Variants in UGGT2 observed in about 807,000 individuals in gnomAD.
UGGT2 encodes the protein UDP-glucose glycoprotein glucosyltransferase 2, also known as UDP-glucose:glycoprotein glucosyltransferase 2.
A neutral mutation model predicts 192.1 loss-of-function variants in UGGT2; 180 were observed. That is an observed-to-expected ratio of 0.94 (90% CI 0.83 to 1.06). UGGT2 has a LOEUF of 1.06. Ranked by LOEUF, UGGT2 falls within the 50% of genes least tolerant of loss-of-function variation. UGGT2 has a pLI of 0.00. For missense variants in UGGT2, 1,849 were observed against 1,795.7 expected (o/e 1.03, Z -0.54); for synonymous variants, 580 against 591.0 (o/e 0.98, Z 0.27).
chr13:96,048,687 A>G (rs952050955), intron 1 of UGGT2, among the ~76,000 whole-genome samples: 8 of 152,242 alleles, frequency 5.3e-5, no homozygotes, highest in Non-Finnish European at 1.0e-4. Flanking sequence ...CCAAACTACC[A>G]TCAGAGAATA....
At chr13:96,026,038 AG>A (rs1239658074) in intron 2 of UGGT2, among the ~76,000 whole-genome samples, 1 of 152,164 alleles carries the variant, frequency 6.6e-6, no homozygotes, top group East Asian at 1.9e-4. Context: ...CAGAAAATCA[AG>A]GGAATGGAAC....
chr13:95,907,230 T>C (rs892553526), intron 20 of UGGT2, among the ~76,000 whole-genome samples: 1 of 152,208 alleles, frequency 6.6e-6, no homozygotes, highest in Non-Finnish European at 1.5e-5. Flanking sequence ...TTGCTGAGGC[T>C]TGAGTACGTA....
intron 15 of UGGT2, among the ~76,000 whole-genome samples, chr13:95,943,149 C>A (rs1033017037): frequency 6.6e-6 from 1 of 152,108 alleles, no homozygotes; most frequent in African/African-American, 2.4e-5. Context: ...AGTCCCATCA[C>A]TTTATCCTTC....
intron 16 of UGGT2, among the ~76,000 whole-genome samples, chr13:95,937,347 T>C (rs2049500412): frequency 6.6e-6 from 1 of 152,214 alleles, no homozygotes; most frequent in Non-Finnish European, 1.5e-5. Flanking sequence ...GTGACTCCAC[T>C]CTCGTTACAG....
At position 96,031,983 on chromosome 13, in the gene UGGT2, AT is replaced by A; in HGVS notation, c.159-13del. 1 of 1,584,816 alleles carries A rather than the reference AT, an allele frequency of 6.3e-7. No individual in the cohort carries two copies. The highest frequency in any genetic ancestry group is 8.7e-7 in the Non-Finnish European group (1 of 1,155,606). ...CTGCCATAAATTCACTATTAAAAAA[AT>A]AGAAGTAATCGGTTAGTAGATGGAA... On this transcript the variant is annotated splice_polypyrimidine_tract_variant and intron_variant, in intron 1 of 38. Transcript: ENST00000376747.
intron 6 of UGGT2, 123 bp from the exon 7 acceptor site, chr13:95,996,258 T>C: frequency 1.3e-6 from 1 of 775,318 alleles, no homozygotes; most frequent in Non-Finnish European, 2.2e-6. Flanking sequence ...TCCCAGCACT[T>C]TGGGAGGCCG....
At chr13:95,884,084 A>AAACC (rs1555346763) in intron 27 of UGGT2, among the ~76,000 whole-genome samples, 1 of 132,012 alleles carries the variant, frequency 7.6e-6, no homozygotes, top group African/African-American at 2.7e-5. Context: ...AAAAAAAAAA[A>AAACC]AACCAACAAC....
chr13:95,982,507 C>T (rs1419191164), intron 10 of UGGT2, among the ~76,000 whole-genome samples: 1 of 152,152 alleles, frequency 6.6e-6, no homozygotes, highest in Non-Finnish European at 1.5e-5. Flanking sequence ...CTTCCCCATG[C>T]ATTATGTAAA....
At chr13:96,004,436 G>C (rs1016153411) in intron 5 of UGGT2, among the ~76,000 whole-genome samples, 1 of 152,114 alleles carries the variant, frequency 6.6e-6, no homozygotes. Flanking sequence ...AAACTAGTGG[G>C]GATGTGGGGA....
At chr13:96,028,973 G>A (rs1212971872) in intron 2 of UGGT2, among the ~76,000 whole-genome samples, 4 of 139,932 alleles carry the variant, frequency 2.9e-5, no homozygotes, top group East Asian at 2.0e-4. Flanking sequence ...GTGAAACCCC[G>A]TCTCTAATAA....
chr13:96,019,809 C>T (rs2052461335), intron 4 of UGGT2, among the ~76,000 whole-genome samples: 2 of 152,222 alleles, frequency 1.3e-5, no homozygotes, highest in Non-Finnish European at 1.5e-5. Flanking sequence ...GAGAGGATGA[C>T]GGCCTTGAGT....
chr13:95,914,028 A>G (rs1303517709), intron 20 of UGGT2, among the ~76,000 whole-genome samples: 2 of 152,180 alleles, frequency 1.3e-5, no homozygotes, highest in Non-Finnish European at 2.9e-5. Flanking sequence ...GTGGGAATTG[A>G]ACAATGAGAT....
chr13:95,948,173 A>T, intron 13 of UGGT2, 92 bp from the exon 14 acceptor site: 1 of 864,770 alleles, frequency 1.2e-6, no homozygotes, highest in Non-Finnish European at 1.8e-6. Flanking sequence ...GAAAGTATGA[A>T]ATTCAATGTG....
Position 95,952,613 on chromosome 13 carries a change from C to T in UGGT2, c.1336-3159G>A, listed in dbSNP as rs149312734. On this transcript the variant is annotated intron_variant, in intron 12 of 38. Transcript: ENST00000376747. ...GTTAGTTGAATCCAGGCATGTGGAA[C>T]CCTTGGATATGGAAGGCCAATGATA... 8.9e-3 allele frequency among the ~76,000 whole-genome samples: 1,347 copies of T among 152,132 alleles called. 11 individuals are homozygous for T. The highest frequency in any genetic ancestry group is 0.032 in the South Asian group (155 of 4,820).
intron 5 of UGGT2, among the ~76,000 whole-genome samples, chr13:96,005,590 G>C (rs1464423315): frequency 6.6e-6 from 1 of 152,168 alleles, no homozygotes; most frequent in Non-Finnish European, 1.5e-5. Flanking sequence ...GAAGACGGGA[G>C]AAATGGAACA....
chr13:95,886,872 G>A (rs140414627), intron 26 of UGGT2, among the ~76,000 whole-genome samples: 130 of 151,950 alleles, frequency 8.6e-4, no homozygotes, highest in African/African-American at 2.8e-3. Context: ...GCAAGACCCC[G>A]TCTCTACAAA....
At chr13:95,859,333 TTTAA>T (rs1377830010) in intron 33 of UGGT2, among the ~76,000 whole-genome samples, 3 of 152,164 alleles carry the variant, frequency 2.0e-5, no homozygotes, top group Non-Finnish European at 4.4e-5. Flanking sequence ...CCAAATTGTA[TTTAA>T]TTACTCATTA....
chr13:95,912,449 A>G (rs985036797), intron 20 of UGGT2, among the ~76,000 whole-genome samples: 6 of 131,702 alleles, frequency 4.6e-5, no homozygotes, highest in African/African-American at 2.1e-4. Context: ...ATTAACAGAC[A>G]AAGAGAGAGC....
chr13:95,932,779 T>C (rs763852745), intron 17 of UGGT2, among the ~76,000 whole-genome samples: 2 of 152,178 alleles, frequency 1.3e-5, no homozygotes, highest in Non-Finnish European at 2.9e-5. Context: ...TGCAGTTTGT[T>C]GAGGGTTTTT....
Sources: allele counts gnomAD v4.1 joint callset (sites outside exome capture counted in the v4.1 genomes callset), GRCh38; gene constraint gnomAD v4.1.1; transcripts MANE v1.5; gene names NCBI Gene and HGNC (gene_info 2026-07-23, HGNC 2026-07-21).